CNTN4: variants seen among roughly 807,000 people sequenced by gnomAD.
The protein encoded by CNTN4 is contactin-4.
CNTN4 carries 77 observed loss-of-function variants against 122.5 expected under a neutral mutation model. The ratio of observed to expected loss-of-function variants is 0.63; its 90% CI spans 0.52 to 0.76. The LOEUF (loss-of-function observed/expected upper bound fraction) is 0.76, where lower values mean the gene tolerates loss of function less well. Among genes scored for constraint, CNTN4 ranks in the 30% least tolerant of loss-of-function variants. The pLI is 0.00. For synonymous variants in CNTN4, 512 were observed against 447.0 expected, an observed-to-expected ratio of 1.15 and a Z score of -1.83; for missense variants, 1,256 against 1,259.1, an observed-to-expected ratio of 1.00 and a Z score of 0.04.
intron 3 of CNTN4, among the ~76,000 whole-genome samples, chr3:2,513,651 T>G (rs2076956237): frequency 6.6e-6 from 1 of 152,184 alleles, no homozygotes; most frequent in African/African-American, 2.4e-5. Flanking sequence ...TATTAAACAT[T>G]TTTGTAGTCA....
At chr3:3,054,159 C>T (rs1036648727) in intron 24 of CNTN4, among the ~76,000 whole-genome samples, 184 bp downstream of exon 24, 5 of 152,122 alleles carry the variant, frequency 3.3e-5, no homozygotes, top group Admixed American at 1.3e-4. Context: ...TCAGTTTGCC[C>T]GTGTTGACTG....
At chr3:2,832,338 C>G (rs536831123) in intron 7 of CNTN4, among the ~76,000 whole-genome samples, 13 of 152,274 alleles carry the variant, frequency 8.5e-5, no homozygotes, top group African/African-American at 3.1e-4. Context: ...AATGTTTTCT[C>G]CTGCCATGTA....
chr3:2,712,464 T>C (rs1188126433), intron 4 of CNTN4, among the ~76,000 whole-genome samples: 1 of 152,196 alleles, frequency 6.6e-6, no homozygotes, highest in African/African-American at 2.4e-5. Context: ...TTAAGATCCC[T>C]GTAACAGAAA....
chr3:2,670,121 A>C (rs1409995990), intron 4 of CNTN4, among the ~76,000 whole-genome samples: 1 of 152,122 alleles, frequency 6.6e-6, no homozygotes, highest in Admixed American at 6.5e-5. Flanking sequence ...CTTGGTGCAG[A>C]GCTGAGTTCA....
intron 2 of CNTN4, among the ~76,000 whole-genome samples, chr3:2,158,625 C>T (rs547285490): frequency 6.6e-6 from 1 of 152,296 alleles, no homozygotes; most frequent in East Asian, 1.9e-4. Flanking sequence ...TGGCAGCATT[C>T]ATAAACAGCA....
chr3:2,494,851 G>C (rs1677195060), intron 3 of CNTN4, among the ~76,000 whole-genome samples: 2 of 152,216 alleles, frequency 1.3e-5, no homozygotes, highest in South Asian at 4.1e-4. Context: ...AATTCCAAAG[G>C]GAGGAGAGTA....
At chr3:2,234,627 C>G (rs754966557) in intron 2 of CNTN4, among the ~76,000 whole-genome samples, 4 of 151,944 alleles carry the variant, frequency 2.6e-5, no homozygotes, top group African/African-American at 4.8e-5. Context: ...AGGAAAAAGT[C>G]AAATAATTTT....
intron 2 of CNTN4, among the ~76,000 whole-genome samples, chr3:2,205,063 C>G (rs1056669255): frequency 9.9e-5 from 15 of 151,716 alleles, no homozygotes; most frequent in Admixed American, 9.9e-4. Context: ...CATGAATTAT[C>G]TTTTTTCTTT....
At chr3:2,229,254 G>A (rs2039397145) in intron 2 of CNTN4, among the ~76,000 whole-genome samples, 1 of 152,158 alleles carries the variant, frequency 6.6e-6, no homozygotes, top group Admixed American at 6.5e-5. Flanking sequence ...GCATTAGGAT[G>A]TGGTGATAAT....
At chr3:2,262,462 A>G (rs925856666) in intron 2 of CNTN4, 43 of 152,260 alleles carry the variant, frequency 2.8e-4, no homozygotes, top group African/African-American at 9.6e-4. Context: ...GGTTCTCACT[A>G]AAAAGAAGAG....
chr3:2,124,079 A>C lies in CNTN4; in HGVS notation c.-145+23440A>C, dbSNP rs138540972. ...TGTGGCCAGGCTTGCTTGTGGAATG[A>C]AAATAAGGGGAAAAAAATCACTTAC... On this transcript the variant is annotated intron_variant, in intron 2 of 24. Transcript: ENST00000418658. Among the ~76,000 whole-genome samples, 474 of 152,318 alleles carry C rather than the reference A, an allele frequency of 3.1e-3. 5 individuals carry two copies. The highest frequency in any genetic ancestry group is 0.01 in the South Asian group (50 of 4,832).
chr3:2,298,606 G>C (rs80355568), intron 2 of CNTN4, among the ~76,000 whole-genome samples: 13,954 of 151,910 alleles, frequency 0.092, 735 homozygotes, highest in Middle Eastern at 0.12. Flanking sequence ...TTCCATCTTT[G>C]GTACATTCAT....
At chr3:2,666,555 G>C (rs1046196737) in intron 4 of CNTN4, among the ~76,000 whole-genome samples, 5 of 151,972 alleles carry the variant, frequency 3.3e-5, no homozygotes, top group Non-Finnish European at 7.4e-5. Flanking sequence ...ACAATTCCTT[G>C]ATGTAATTTT....
At chr3:2,481,539 G>A (rs560684103) in intron 3 of CNTN4, among the ~76,000 whole-genome samples, 47 of 152,050 alleles carry the variant, frequency 3.1e-4, no homozygotes, top group African/African-American at 1.0e-3. Context: ...CTTAAACCCC[G>A]CGCAAAAAAA....
intron 7 of CNTN4, among the ~76,000 whole-genome samples, chr3:2,854,354 A>T (rs2093595409): frequency 7.1e-6 from 1 of 140,262 alleles, no homozygotes; most frequent in African/African-American, 2.7e-5. Context: ...CTCATTGCAA[A>T]CTTCACCTCC....
intron 4 of CNTN4, among the ~76,000 whole-genome samples, chr3:2,590,216 A>G (rs1283229508): frequency 6.6e-6 from 1 of 152,066 alleles, no homozygotes; most frequent in Non-Finnish European, 1.5e-5. Context: ...ATCCCAAGTG[A>G]TCATTTGAAA....
chr3:2,138,211 G>A (rs1033784034), intron 2 of CNTN4, among the ~76,000 whole-genome samples: 5 of 151,942 alleles, frequency 3.3e-5, no homozygotes, highest in Non-Finnish European at 5.9e-5. Flanking sequence ...GACTACAGGC[G>A]CCCGCCATCA....
At chr3:2,496,217 A>G (rs979728659) in intron 3 of CNTN4, among the ~76,000 whole-genome samples, 1 of 152,092 alleles carries the variant, frequency 6.6e-6, no homozygotes, top group Admixed American at 6.5e-5. Flanking sequence ...TAGGAAAGCC[A>G]TTTACTCTTG....
intron 13 of CNTN4, among the ~76,000 whole-genome samples, chr3:2,959,028 T>C (rs1577403774): frequency 6.6e-6 from 1 of 152,238 alleles, no homozygotes; most frequent in South Asian, 2.1e-4. Flanking sequence ...AAGACACATA[T>C]ACAATGAGAA....
Sources: gnomAD v4.1 joint callset for allele counts (sites outside exome capture counted in the v4.1 genomes callset) on GRCh38, gnomAD v4.1.1 for gene constraint, MANE v1.5 for transcripts, NCBI Gene and HGNC (gene_info 2026-07-23, HGNC 2026-07-21) for gene names.